The following STAG1 variants were observed in gnomAD, a reference collection of about 807,000 sequenced individuals.
STAG1 encodes cohesin subunit SA-1.
A neutral mutation model predicts 170.9 loss-of-function variants in STAG1; 26 were observed. That is an observed-to-expected ratio of 0.15 (90% CI 0.11 to 0.21). The LOEUF is 0.21. STAG1 is among the 10% of genes least tolerant of loss of function. The pLI, the probability that STAG1 is intolerant of heterozygous loss-of-function variation, is 1.00. For synonymous variants in STAG1, 514 were observed against 497.7 expected (o/e 1.03, Z -0.44); for missense variants, 964 against 1,509.5 (o/e 0.64, Z 5.99).
At chr3:136,569,780 G>A (rs1301537663) in intron 4 of STAG1, among the ~76,000 whole-genome samples, 2 of 151,670 alleles carry the variant, frequency 1.3e-5, no homozygotes, top group Non-Finnish European at 2.9e-5. Flanking sequence ...TGTTCACAAC[G>A]AAAAATACCT....
At chr3:136,416,360 A>G (rs1053150669) in intron 21 of STAG1, among the ~76,000 whole-genome samples, 1 of 152,216 alleles carries the variant, frequency 6.6e-6, no homozygotes, top group African/African-American at 2.4e-5. Context: ...ATCCAACAAT[A>G]AAAATGGAGG....
At chr3:136,580,335 C>T (rs1352143997) in intron 4 of STAG1, among the ~76,000 whole-genome samples, 1 of 151,206 alleles carries the variant, frequency 6.6e-6, no homozygotes, top group Non-Finnish European at 1.5e-5. Flanking sequence ...AATAAAGATA[C>T]GAATCAATAA....
chr3:136,363,555 GAAAAA>G, intron 25 of STAG1, 88 bp from the exon 26 acceptor site: 1 of 290,898 alleles, frequency 3.4e-6, no homozygotes, highest in Non-Finnish European at 6.0e-6. Context: ...CTTTGAAAAT[GAAAAA>G]AAAAAAAAAA....
At chr3:136,431,989 TA>T (rs2088317129) in intron 16 of STAG1, among the ~76,000 whole-genome samples, 2 of 152,228 alleles carry the variant, frequency 1.3e-5, no homozygotes, top group Admixed American at 1.3e-4. Context: ...TTTCTTCAAA[TA>T]TTTTTTCTGC....
At chr3:136,360,535 A>C (rs1936821510) in intron 26 of STAG1, among the ~76,000 whole-genome samples, 1 of 152,176 alleles carries the variant, frequency 6.6e-6, no homozygotes, top group Non-Finnish European at 1.5e-5. Flanking sequence ...ATTCACTGAA[A>C]TAGCTCCTGG....
At chr3:136,571,691 C>T (rs1241389834) in intron 4 of STAG1, among the ~76,000 whole-genome samples, 1 of 150,958 alleles carries the variant, frequency 6.6e-6, no homozygotes, top group East Asian at 2.0e-4. Flanking sequence ...GGGCAACATA[C>T]AAAGACCCTC....
intron 22 of STAG1, among the ~76,000 whole-genome samples, chr3:136,389,895 G>A (rs1339996219): frequency 6.7e-6 from 1 of 149,900 alleles, no homozygotes; most frequent in African/African-American, 2.5e-5. Flanking sequence ...GCAGTGGCAT[G>A]ATCTTGGCTC....
chr3:136,690,622 A>G (rs1180730399), intron 1 of STAG1, among the ~76,000 whole-genome samples: 1 of 152,194 alleles, frequency 6.6e-6, no homozygotes, highest in Non-Finnish European at 1.5e-5. Flanking sequence ...ACATATACAC[A>G]CACAATCATT....
intron 23 of STAG1, among the ~76,000 whole-genome samples, chr3:136,372,287 T>C (rs1413823793): frequency 6.6e-6 from 1 of 152,362 alleles, no homozygotes. Context: ...AATCATGTCA[T>C]CTGCAAACAG....
intron 16 of STAG1, among the ~76,000 whole-genome samples, chr3:136,424,141 TATAAA>T (rs1559792984): frequency 6.6e-6 from 1 of 152,052 alleles, no homozygotes; most frequent in African/African-American, 2.4e-5. Context: ...CTTTTAAGCA[TATAAA>T]ATAATCACTT....
chr3:136,520,779 T>C (rs1022463644), intron 7 of STAG1, among the ~76,000 whole-genome samples: 4 of 152,136 alleles, frequency 2.6e-5, no homozygotes, highest in Non-Finnish European at 5.9e-5. Flanking sequence ...TTTGTTACCC[T>C]AATGGACAGA....
rs550276838 is a variant in STAG1 at position 136,429,363 on chromosome 3, C to G, written c.1650+4193G>C. Among the ~76,000 whole-genome samples the G allele has an allele frequency of 4.6e-5, 7 of 152,238 alleles. No individual in the cohort carries two copies. The South Asian group carries it at 1.2e-3, about 27-fold the overall frequency. On this transcript the variant is annotated intron_variant, in intron 16 of 33. Coordinates refer to ENST00000383202, the MANE Select transcript of STAG1 (RefSeq NM_005862.3). ...TGGAGGTTGCAGTGAGCCCAGATCACGCCACTGCACTCCAGCCTGGATGAC... is the reference window on the plus strand; with the variant it reads ...TGGAGGTTGCAGTGAGCCCAGATCAGGCCACTGCACTCCAGCCTGGATGAC...
rs9860801 is a variant in STAG1 at position 136,369,196 on chromosome 3, G to A, written c.2457C>T (p.Phe819=). Residue 819 remains phenylalanine (F), a synonymous_variant, in exon 24 of 34, where the codon TTC becomes TTT. Coordinates refer to ENST00000383202, the MANE Select transcript of STAG1 (RefSeq NM_005862.3). ...GGREGLQPLV[F]NPDTGLQSEL... ...CAGATTGGAGTCCAGTATCTGGATTGAACACCAAAGGCTGAAGGCCCTCTC... is the reference window on the plus strand; with the variant it reads ...CAGATTGGAGTCCAGTATCTGGATTAAACACCAAAGGCTGAAGGCCCTCTC... The A allele has an allele frequency of 0.33, 533,357 of 1,603,852 alleles. 93,176 individuals carry two copies. The highest frequency in any genetic ancestry group is 0.53 in the African/African-American group (39,305 of 74,084).
chr3:136,405,883 G>T (rs890682110), intron 21 of STAG1, among the ~76,000 whole-genome samples: 3 of 140,826 alleles, frequency 2.1e-5, no homozygotes, highest in African/African-American at 5.3e-5. Context: ...CTAAAGTAAA[G>T]ATTATCAAGT....
At chr3:136,515,807 C>T (rs997681813) in intron 7 of STAG1, among the ~76,000 whole-genome samples, 1 of 152,024 alleles carries the variant, frequency 6.6e-6, no homozygotes. Context: ...ATGGGTAAAA[C>T]TACATGATAT....
chr3:136,488,000 C>T (rs2090050613), intron 9 of STAG1, among the ~76,000 whole-genome samples: 1 of 152,324 alleles, frequency 6.6e-6, no homozygotes, highest in Admixed American at 6.5e-5. Flanking sequence ...AACCTACAAC[C>T]CCAGCCAAGT....
At chr3:136,737,117 AT>A in intron 1 of STAG1, 1 of 850,112 alleles carries the variant, frequency 1.2e-6, no homozygotes, top group East Asian at 2.4e-5. Context: ...TTTCAATCTG[AT>A]TTTTTCACGT....
intron 5 of STAG1, among the ~76,000 whole-genome samples, chr3:136,565,011 A>AGGCAGGCAGGCAGGCAGGCAGGCAGGC (rs1553746574): frequency 2.2e-5 from 1 of 45,452 alleles, no homozygotes; most frequent in African/African-American, 1.3e-4. Context: ...GGAAGGAAGG[A>AGGCAGGCAGGCAGGCAGGCAGGCAGGC]AGGCAGGCAG....
chr3:136,490,497 G>C (rs189065896), intron 9 of STAG1, among the ~76,000 whole-genome samples: 1 of 152,194 alleles, frequency 6.6e-6, no homozygotes, highest in Non-Finnish European at 1.5e-5. Flanking sequence ...CTGTTACCCT[G>C]CATTACGCCT....
Sources: gnomAD v4.1 joint callset for allele counts (sites outside exome capture counted in the v4.1 genomes callset) on GRCh38, gnomAD v4.1.1 for gene constraint, MANE v1.5 for transcripts, NCBI Gene and HGNC (gene_info 2026-07-23, HGNC 2026-07-21) for gene names.